LONP2: variants seen among roughly 807,000 people sequenced by gnomAD.
LONP2 encodes lon peptidase 2, peroxisomal, also known as lon protease homolog 2, peroxisomal.
In LONP2, 60 loss-of-function variants were observed where a neutral mutation model predicts 85.6. The ratio of observed to expected loss-of-function variants is 0.70; its 90% CI spans 0.57 to 0.87. The LOEUF is 0.87. Among genes scored for constraint, LONP2 ranks in the 40% least tolerant of loss-of-function variants. The pLI is 0.00. For missense variants in LONP2, 860 were observed against 1,063.5 expected, an observed-to-expected ratio of 0.81 and a Z score of 2.66; for synonymous variants, 395 against 389.7, an observed-to-expected ratio of 1.01 and a Z score of -0.16.
At chr16:48,247,394 C>CACAG (rs1567304239) in intron 1 of LONP2, 1 of 149,978 alleles carries the variant, frequency 6.7e-6, no homozygotes, top group African/African-American at 2.5e-5. Flanking sequence ...ATCCAGGTGA[C>CACAG]GCTGGCACAG....
intron 12 of LONP2, among the ~76,000 whole-genome samples, chr16:48,338,574 G>T (rs1959720683): frequency 6.6e-6 from 1 of 152,144 alleles, no homozygotes; most frequent in South Asian, 2.1e-4. Flanking sequence ...AGGAGAGAGT[G>T]TTGCAAAGAA....
chr16:48,328,694 A>C (rs1596989397), intron 11 of LONP2, among the ~76,000 whole-genome samples: 1 of 151,220 alleles, frequency 6.6e-6, no homozygotes, highest in Non-Finnish European at 1.5e-5. Context: ...AAAAAAAAAA[A>C]ATTGGCCAGG....
chr16:48,300,200 T>C (rs1018329832), intron 10 of LONP2, among the ~76,000 whole-genome samples: 3 of 152,256 alleles, frequency 2.0e-5, no homozygotes, highest in Non-Finnish European at 2.9e-5. Flanking sequence ...TAAGAGGTGA[T>C]ATGCTACTTT....
At chr16:48,245,124 C>G (rs527540671) in intron 1 of LONP2, among the ~76,000 whole-genome samples, 1 of 152,194 alleles carries the variant, frequency 6.6e-6, no homozygotes, top group Non-Finnish European at 1.5e-5. Context: ...CATTCCTAAA[C>G]TGCACTATTT....
chr16:48,248,332 C>T (rs971451014), intron 1 of LONP2, among the ~76,000 whole-genome samples: 1 of 147,232 alleles, frequency 6.8e-6, no homozygotes, highest in Non-Finnish European at 1.5e-5. Flanking sequence ...TGCCATGTTG[C>T]GCAAACTGGT....
intron 11 of LONP2, among the ~76,000 whole-genome samples, chr16:48,312,072 C>T (rs1466473648): frequency 6.6e-6 from 1 of 152,042 alleles, no homozygotes; most frequent in Non-Finnish European, 1.5e-5. Context: ...TCCTGAGTAG[C>T]TGGGATTACA....
rs1294404102 is a variant in LONP2 at position 48,334,276 on chromosome 16, TG to T, written c.1858del (p.Ala620LeufsTer9). 1 of 1,614,042 alleles carries T rather than the reference TG, an allele frequency of 6.2e-7. No individual in the cohort carries two copies. The highest frequency in any genetic ancestry group is 2.2e-5 in the East Asian group (1 of 44,898). ...KPESISDTTD[L>X]ALPPEMPILI... ...GAATCTATCAGTGACACTACTGACT[TG>T]GCTCTACCACCTGAAATGCCGATTT... On this transcript the variant is annotated frameshift_variant, in exon 12 of 15. Transcript: ENST00000285737. LOFTEE classifies it high-confidence loss of function.
chr16:48,254,197 C>T (rs917518497), intron 2 of LONP2, among the ~76,000 whole-genome samples: 6 of 152,202 alleles, frequency 3.9e-5, no homozygotes, highest in African/African-American at 9.6e-5. Context: ...ACATTAAGAC[C>T]GTTTGCAACT....
chr16:48,289,532 C>T (rs1415677545), intron 8 of LONP2, among the ~76,000 whole-genome samples: 1 of 152,110 alleles, frequency 6.6e-6, no homozygotes, highest in African/African-American at 2.4e-5. Context: ...TAAGCGTTCC[C>T]AGCTTGATTT....
chr16:48,334,545 G>A lies in LONP2; in HGVS notation c.1938+187G>A, dbSNP rs566772917. The A allele has an allele frequency of 3.3e-4, 236 of 725,400 alleles. No homozygotes were observed. In the South Asian group the frequency reaches 3.6e-3, roughly 11 times the overall value. 44.9% of individuals were successfully genotyped at this position (725,400 alleles called of 1,614,324 possible). On this transcript the variant is annotated intron_variant, in intron 12 of 14. Coordinates refer to ENST00000285737, the MANE Select transcript of LONP2 (RefSeq NM_031490.5). ...TTGCAGCAGTTGACTGCATGGGGGC[G>A]CAGGCGAGCACAGCTCTTGTGGCAC...
chr16:48,316,634 T>C lies in LONP2; in HGVS notation c.1795+13329T>C, dbSNP rs562836771. ...GGGCCACCACACCCGGCCAGGATTC[T>C]TTGTATATATATGGACTCCAATAGA... On this transcript the variant is annotated intron_variant, in intron 11 of 14. Transcript: ENST00000285737. Among the ~76,000 whole-genome samples, 326 of 152,284 alleles carry C rather than the reference T, an allele frequency of 2.1e-3. 1 individual carries two copies. The highest frequency in any genetic ancestry group is 7.7e-3 in the African/African-American group (322 of 41,578).
chr16:48,301,189 A>G (rs1330985848), intron 10 of LONP2, among the ~76,000 whole-genome samples: 1 of 152,108 alleles, frequency 6.6e-6, no homozygotes, highest in Non-Finnish European at 1.5e-5. Flanking sequence ...ATCTTTTGTG[A>G]TAAGTCACAG....
At chr16:48,325,110 C>G (rs558350933) in intron 11 of LONP2, among the ~76,000 whole-genome samples, 1 of 152,246 alleles carries the variant, frequency 6.6e-6, no homozygotes, top group Non-Finnish European at 1.5e-5. Context: ...TCTTCCACCT[C>G]GGATCATCAG....
At chr16:48,317,392 A>G (rs1973168259) in intron 11 of LONP2, among the ~76,000 whole-genome samples, 1 of 152,246 alleles carries the variant, frequency 6.6e-6, no homozygotes, top group African/African-American at 2.4e-5. Context: ...TTCTAAACAT[A>G]CCATCTACTC....
At chr16:48,329,962 T>C (rs1362547010) in intron 11 of LONP2, among the ~76,000 whole-genome samples, 3 of 152,182 alleles carry the variant, frequency 2.0e-5, no homozygotes, top group Non-Finnish European at 4.4e-5. Context: ...TCCCTAAGGA[T>C]AGATTGCTGC....
intron 11 of LONP2, among the ~76,000 whole-genome samples, chr16:48,323,776 G>T (rs1371626682): frequency 6.6e-6 from 1 of 152,094 alleles, no homozygotes; most frequent in Non-Finnish European, 1.5e-5. Context: ...AATGTATTTG[G>T]TAATCGTAAG....
intron 9 of LONP2, 87 bp downstream of exon 9, chr16:48,296,252 G>C: frequency 7.1e-7 from 1 of 1,399,720 alleles, no homozygotes; most frequent in Non-Finnish European, 9.8e-7. Flanking sequence ...TTGACTAAAA[G>C]AAGTTCATTT....
chr16:48,359,207 G>A (rs984404718), downstream of LONP2, among the ~76,000 whole-genome samples: 8 of 152,034 alleles, frequency 5.3e-5, no homozygotes, highest in African/African-American at 1.9e-4. Context: ...TAAGTGATCC[G>A]CCCACCTTGG....
rs766170631 is a variant in LONP2, at chr16:48,303,306, G to T, written c.1795+1G>T. On this transcript the variant is annotated splice_donor_variant, in intron 11 of 14. Coordinates refer to ENST00000285737, the MANE Select transcript of LONP2 (RefSeq NM_031490.5). LOFTEE classifies it high-confidence loss of function. The stretch of plus-strand genomic sequence containing the variant: ...CGTTCTGATGTGACTGAGAGAGAAG[G>T]TTGGTGACCTTGTTCTGGCATTCTC... 1.9e-6 allele frequency: 3 copies of T among 1,611,958 alleles called. No homozygotes were observed. In the Admixed American group the frequency reaches 5.0e-5, roughly 27 times the overall value.
Sources: gnomAD v4.1 joint callset for allele counts (sites outside exome capture counted in the v4.1 genomes callset) on GRCh38, gnomAD v4.1.1 for gene constraint, MANE v1.5 for transcripts, NCBI Gene and HGNC (gene_info 2026-07-23, HGNC 2026-07-21) for gene names.